SLC12A6: variants seen among roughly 807,000 people sequenced by gnomAD.
SLC12A6 encodes solute carrier family 12 member 6, also known as K-Cl cotransporter 3.
SLC12A6 carries 66 observed loss-of-function variants against 135.3 expected under a neutral mutation model. That is an observed-to-expected ratio of 0.49 (90% CI 0.40 to 0.60). SLC12A6 has a LOEUF of 0.60. Among genes scored for constraint, SLC12A6 ranks in the 20% least tolerant of loss-of-function variants. The probability of loss-of-function intolerance (pLI) is 0.00; values close to 1 mark genes in which losing one functional copy is unlikely to be tolerated. For missense variants in SLC12A6, 1,058 were observed against 1,452.3 expected (o/e 0.73, Z 4.41); for synonymous variants, 513 against 508.8 (o/e 1.01, Z -0.11).
rs1237774232 is a variant in SLC12A6, at chr15:34,232,077, C to T, written c.*1804G>A. The T allele has an allele frequency of 1.3e-5, 2 of 152,148 alleles. No individual in the cohort carries two copies. Among genetic ancestry groups the T allele is most frequent in the Admixed American group, 6.5e-5 (1 of 15,276 alleles). 9.4% of individuals were successfully genotyped at this position (152,148 alleles called of 1,614,324 possible). ...ATGAATACAGGCAAGAAAAGTTTCT[C>T]TAAATAACTATTCTGTAAAAGAAAT... On this transcript the variant is annotated 3_prime_UTR_variant, in exon 26 of 26. Coordinates refer to ENST00000354181, the MANE Select transcript of SLC12A6 (RefSeq NM_001365088.1).
Position 34,250,617 on chromosome 15 carries a change from C to T in SLC12A6, c.1591+14G>A. The T allele has an allele frequency of 7.3e-7, 1 of 1,366,476 alleles. No individual in the cohort carries two copies. The highest frequency in any genetic ancestry group is 1.0e-6 in the Non-Finnish European group (1 of 954,342). The allele number at this position is 1,366,476 out of a possible 1,614,324, so 84.6% of individuals were successfully genotyped here. A position where few individuals can be genotyped will look rare whatever the true frequency, so the allele number is the denominator to read the frequency against. On this transcript the variant is annotated intron_variant, in intron 12 of 25. Coordinates refer to ENST00000354181, the MANE Select transcript of SLC12A6 (RefSeq NM_001365088.1). ...CTATGACTAAGACTCAGACTGGATC[C>T]ATAAAAAGGATACAAACAAAGGAGG... is the stretch of plus-strand genomic sequence containing the variant.
chr15:34,267,486 T>C (rs1052355971), intron 3 of SLC12A6, among the ~76,000 whole-genome samples: 2 of 152,190 alleles, frequency 1.3e-5, no homozygotes, highest in East Asian at 3.8e-4. Context: ...CTGTGCACTG[T>C]AGAATATTTA....
chr15:34,239,317 A>G (rs1162404557), intron 19 of SLC12A6, among the ~76,000 whole-genome samples, 157 bp from the exon 20 acceptor site: 1 of 152,204 alleles, frequency 6.6e-6, no homozygotes, highest in Non-Finnish European at 1.5e-5. Flanking sequence ...ATCCCAAAGG[A>G]ATTTCATGAT....
intron 2 of SLC12A6, among the ~76,000 whole-genome samples, chr15:34,301,570 T>A (rs557956635): frequency 6.6e-6 from 1 of 152,160 alleles, no homozygotes; most frequent in African/African-American, 2.4e-5. Flanking sequence ...AGGTAGAAAG[T>A]AGTGAAAATG....
intron 2 of SLC12A6, among the ~76,000 whole-genome samples, chr15:34,289,907 T>C (rs1895393328): frequency 6.6e-6 from 1 of 152,214 alleles, no homozygotes; most frequent in African/African-American, 2.4e-5. Context: ...TCTATTTTGT[T>C]GATCTTTTCA....
intron 2 of SLC12A6, among the ~76,000 whole-genome samples, chr15:34,331,432 C>T (rs1313439401): frequency 7.2e-5 from 11 of 152,226 alleles, no homozygotes; most frequent in South Asian, 6.2e-4. Flanking sequence ...TGAGCCACCG[C>T]GCCCAGCCTA....
chr15:34,245,654 T>C (rs1277173362), intron 14 of SLC12A6, 39 bp downstream of exon 14: 5 of 1,538,256 alleles, frequency 3.3e-6, no homozygotes. Context: ...TCATTAAAGC[T>C]GGGAAAAAAA....
chr15:34,280,344 C>T (rs897869118), intron 2 of SLC12A6, among the ~76,000 whole-genome samples: 3 of 152,102 alleles, frequency 2.0e-5, no homozygotes, highest in South Asian at 2.1e-4. Flanking sequence ...CATGACCAAG[C>T]GCATATACAT....
chr15:34,272,741 C>T (rs926923502), intron 3 of SLC12A6, among the ~76,000 whole-genome samples: 6 of 152,150 alleles, frequency 3.9e-5, no homozygotes, highest in African/African-American at 1.4e-4. Flanking sequence ...CCCAGGTATC[C>T]TTTACTGCAG....
Position 34,284,940 on chromosome 15 carries a change from G to A in SLC12A6, c.272-9551C>T, listed in dbSNP as rs535451819. Among the ~76,000 whole-genome samples the A allele has an allele frequency of 1.4e-4, 21 of 152,320 alleles. No homozygotes were observed. The South Asian group carries it at 3.7e-3, about 27-fold the overall frequency. On this transcript the variant is annotated intron_variant, in intron 2 of 25. Coordinates refer to ENST00000354181, the MANE Select transcript of SLC12A6 (RefSeq NM_001365088.1). ...AGTTAGTGCTAAGCGAAGCAGGTATGTATTGACATGTTTGATGAATGGCAG... is the reference window on the plus strand; with the variant it reads ...AGTTAGTGCTAAGCGAAGCAGGTATATATTGACATGTTTGATGAATGGCAG...
intron 1 of SLC12A6, 120 bp from the exon 2 acceptor site, chr15:34,336,872 GCAT>G: frequency 1.6e-6 from 1 of 626,380 alleles, no homozygotes; most frequent in Non-Finnish European, 2.8e-6. Flanking sequence ...CCTAGAAAGT[GCAT>G]CACCAATAGG....
At chr15:34,323,596 A>G (rs1889266566) in intron 2 of SLC12A6, among the ~76,000 whole-genome samples, 1 of 152,164 alleles carries the variant, frequency 6.6e-6, no homozygotes, top group South Asian at 2.1e-4. Flanking sequence ...TAGTCTGTGG[A>G]AAAACTGTCT....
intron 2 of SLC12A6, among the ~76,000 whole-genome samples, chr15:34,313,806 C>A (rs547404325): frequency 1.6e-4 from 25 of 152,082 alleles, no homozygotes; most frequent in Middle Eastern, 3.4e-3. Context: ...ATCCTAAGAC[C>A]CTTAAGGACT....
intron 2 of SLC12A6, among the ~76,000 whole-genome samples, chr15:34,278,872 A>C (rs1894478506): frequency 6.6e-6 from 1 of 151,624 alleles, no homozygotes; most frequent in Non-Finnish European, 1.5e-5. Flanking sequence ...TCCAGCCAGA[A>C]ACAAGTCTTT....
rs1351787379 is a variant in SLC12A6, at chr15:34,245,362, A to C, written c.1866T>G (p.Ala622=). 6.2e-7 allele frequency: 1 copy of C among 1,613,618 alleles called. No individual in the cohort carries two copies. The highest frequency in any genetic ancestry group is 1.1e-5 in the South Asian group (1 of 91,066). Residue 622 remains alanine, a synonymous_variant, in exon 15 of 26, where the codon GCT becomes GCG. Coordinates refer to ENST00000354181, the MANE Select transcript of SLC12A6 (RefSeq NM_001365088.1). ...HSKANGEPTW[A]LLLTAAIAEL... is the part of the protein sequence containing the mutation. Reference sequence around the variant, plus strand: ...CTGCAATGGCAGCAGTTAGAAGTAAAGCCCAGGTAGGTTCCCCATTGGCTT... The same window carrying C: ...CTGCAATGGCAGCAGTTAGAAGTAACGCCCAGGTAGGTTCCCCATTGGCTT...
chr15:34,283,382 A>C (rs560449430), intron 2 of SLC12A6, among the ~76,000 whole-genome samples: 14 of 152,048 alleles, frequency 9.2e-5, no homozygotes, highest in Non-Finnish European at 1.9e-4. Context: ...ATAATTAATA[A>C]GATAATTTCA....
intron 2 of SLC12A6, among the ~76,000 whole-genome samples, chr15:34,311,536 AT>A (rs1162482823): frequency 6.6e-6 from 1 of 152,202 alleles, no homozygotes; most frequent in East Asian, 1.9e-4. Context: ...ATCTCTTCTT[AT>A]TAGTAAAAAG....
In SLC12A6 at chr15:34,235,194, C is replaced by G. The variant is rs775446736; in HGVS notation, c.3348G>C (p.Glu1116Asp). The G allele has an allele frequency of 5.0e-6, 8 of 1,614,058 alleles. No homozygotes were observed. The highest frequency in any genetic ancestry group is 2.2e-5 in the East Asian group (1 of 44,888). Reference sequence around the variant, plus strand: ...TGGAAAGGATACAGTTTTCATCACCCTCAGGGTTTCGGGGTGGCCCTGGCA... The same window carrying G: ...TGGAAAGGATACAGTTTTCATCACCGTCAGGGTTTCGGGGTGGCCCTGGCA... Reference protein sequence around the residue: ...LNMPGPPRNPEGDENYMEFLE... With the variant: ...LNMPGPPRNPDGDENYMEFLE... The change falls in exon 25 of 26, where the codon GAG (glutamate) becomes GAC (aspartate). Residue 1116 changes from glutamate (E) to aspartate (D), a missense_variant. By Grantham distance (45) the Glu-to-Asp change is conservative (BLOSUM62 2). Around this residue, in one of 6 missense-constraint regions of SLC12A6, gnomAD observed 245 missense variants for 440.8 expected, o/e 0.56. Transcript: ENST00000354181.
intron 2 of SLC12A6, among the ~76,000 whole-genome samples, chr15:34,322,343 T>A (rs892413237): frequency 6.6e-6 from 1 of 151,012 alleles, no homozygotes; most frequent in Non-Finnish European, 1.5e-5. Context: ...ATCATTCCAC[T>A]CCAGCCTGGG....
Sources: allele counts gnomAD v4.1 joint callset (sites outside exome capture counted in the v4.1 genomes callset), GRCh38; gene constraint gnomAD v4.1.1; regional missense constraint gnomAD v4.1.1; transcripts MANE v1.5; gene names NCBI Gene and HGNC (gene_info 2026-07-23, HGNC 2026-07-21).